Variants in CACNA1D observed in about 807,000 individuals in gnomAD.
CACNA1D encodes the protein calcium voltage-gated channel subunit alpha1 D, also known as voltage-dependent L-type calcium channel subunit alpha-1D.
A neutral mutation model predicts 257.1 loss-of-function variants in CACNA1D; 55 were observed. The observed-to-expected ratio is 0.21, with a 90% CI of 0.17 to 0.27. The LOEUF (loss-of-function observed/expected upper bound fraction) is 0.27, where lower values mean the gene tolerates loss of function less well. CACNA1D is among the 10% of genes least tolerant of loss of function. The pLI is 1.00. For missense variants in CACNA1D, 1,876 were observed against 2,784.0 expected, an observed-to-expected ratio of 0.67 and a Z score of 7.34; for synonymous variants, 980 against 1,014.9, an observed-to-expected ratio of 0.97 and a Z score of 0.65.
chr3:53,663,098 G>A (rs932872546), intron 5 of CACNA1D, among the ~76,000 whole-genome samples: 1 of 152,132 alleles, frequency 6.6e-6, no homozygotes, highest in African/African-American at 2.4e-5. Context: ...TTGTAATAGA[G>A]GTTGTAGCAA....
intron 3 of CACNA1D, among the ~76,000 whole-genome samples, chr3:53,506,755 T>A (rs2090863680): frequency 1.3e-5 from 2 of 152,234 alleles, no homozygotes; most frequent in African/African-American, 4.8e-5. Flanking sequence ...TATATCTTTC[T>A]TTCTTGGCAA....
At chr3:53,634,842 G>A (rs1052427319) in intron 3 of CACNA1D, among the ~76,000 whole-genome samples, 1 of 152,110 alleles carries the variant, frequency 6.6e-6, no homozygotes, top group Non-Finnish European at 1.5e-5. Context: ...AGGGCCACAC[G>A]ATGGAAAAGA....
At position 53,541,495 on chromosome 3, in the gene CACNA1D, A is replaced by T. The variant is rs374620354; in HGVS notation, c.483+39775A>T. 1.5e-3 allele frequency among the ~76,000 whole-genome samples: 229 copies of T among 152,280 alleles called. 1 individual carries two copies. The highest frequency in any genetic ancestry group is 4.9e-3 in the African/African-American group (203 of 41,566). Reference sequence around the variant, plus strand: ...AGCAAATCCCCTGTCGTGTTGTGAAATGGGCGCGGAGAAGCCTGTTCTAGT... The same window carrying T: ...AGCAAATCCCCTGTCGTGTTGTGAATTGGGCGCGGAGAAGCCTGTTCTAGT... On this transcript the variant is annotated intron_variant, in intron 3 of 47. Coordinates refer to ENST00000350061, the MANE Select transcript of CACNA1D (RefSeq NM_001128840.3).
intron 3 of CACNA1D, among the ~76,000 whole-genome samples, chr3:53,571,045 A>G (rs375440161): frequency 1.1e-3 from 164 of 152,290 alleles, no homozygotes; most frequent in African/African-American, 3.8e-3. Flanking sequence ...GCAGCCCATT[A>G]TTCCTGAATC....
At position 53,699,454 on chromosome 3, in the gene CACNA1D, C is replaced by G. The variant is rs185077605; in HGVS notation, c.1221-3187C>G. Among the ~76,000 whole-genome samples, 308 of 152,318 alleles carry G rather than the reference C, an allele frequency of 2.0e-3. 1 individual carries two copies. The highest frequency in any genetic ancestry group is 7.1e-3 in the African/African-American group (294 of 41,562). On this transcript the variant is annotated intron_variant, in intron 8 of 47. Transcript: ENST00000350061. Reference sequence around the variant, plus strand: ...GCTTAATTCCTGTGAAACAGCGGAACAGGTATTGTTGTGTCTGTTTGGAAG... The same window carrying G: ...GCTTAATTCCTGTGAAACAGCGGAAGAGGTATTGTTGTGTCTGTTTGGAAG...
chr3:53,688,795 A>C (rs1309830216), intron 8 of CACNA1D, among the ~76,000 whole-genome samples: 1 of 152,200 alleles, frequency 6.6e-6, no homozygotes, highest in Non-Finnish European at 1.5e-5. Context: ...TTTCTGCTTT[A>C]AAATAAATCT....
intron 3 of CACNA1D, among the ~76,000 whole-genome samples, chr3:53,548,343 G>T (rs1222608098): frequency 7.5e-6 from 1 of 133,790 alleles, no homozygotes; most frequent in Non-Finnish European, 1.6e-5. Context: ...TCCATTGTAA[G>T]CAACAAAGCT....
chr3:53,607,415 G>A (rs2093525845), intron 3 of CACNA1D, among the ~76,000 whole-genome samples: 1 of 152,234 alleles, frequency 6.6e-6, no homozygotes, highest in South Asian at 2.1e-4. Flanking sequence ...GAAAGGGAGG[G>A]CATAAGCCAA....
chr3:53,634,922 C>T (rs924194434), intron 3 of CACNA1D, among the ~76,000 whole-genome samples: 7 of 152,148 alleles, frequency 4.6e-5, no homozygotes, highest in African/African-American at 1.7e-4. Context: ...TCTTGGGCTT[C>T]CTTAAAAGAT....
chr3:53,757,218 GT>G (rs34641708), intron 29 of CACNA1D, among the ~76,000 whole-genome samples: 4 of 150,008 alleles, frequency 2.7e-5, no homozygotes, highest in Non-Finnish European at 4.4e-5. Context: ...ATTTGACACT[GT>G]TTTTTTTTCA....
chr3:53,701,622 G>A (rs1451937763), intron 8 of CACNA1D, among the ~76,000 whole-genome samples: 3 of 152,208 alleles, frequency 2.0e-5, no homozygotes, highest in Non-Finnish European at 4.4e-5. Flanking sequence ...CTGCATTGCT[G>A]TAACCTCACC....
chr3:53,808,634 C>T lies in CACNA1D; in HGVS notation c.5750-15C>T. On this transcript the variant is annotated splice_polypyrimidine_tract_variant and intron_variant, in intron 45 of 47. Transcript: ENST00000350061. ...AACTTGCTTCACAGCTGTGTGATGC[C>T]CTTTGCTTTCCCAGCCCACCGGAGA... 6.2e-7 allele frequency: 1 copy of T among 1,605,798 alleles called. No homozygotes were observed. Among genetic ancestry groups the T allele is most frequent in the Non-Finnish European group, 8.5e-7 (1 of 1,179,940 alleles).
intron 3 of CACNA1D, among the ~76,000 whole-genome samples, chr3:53,624,150 A>G (rs2093730355): frequency 6.6e-6 from 1 of 152,232 alleles, no homozygotes; most frequent in Non-Finnish European, 1.5e-5. Flanking sequence ...TAGCAATATC[A>G]GGCGAGCCTT....
intron 10 of CACNA1D, among the ~76,000 whole-genome samples, chr3:53,718,987 C>T (rs1223682659): frequency 6.7e-6 from 1 of 149,450 alleles, no homozygotes; most frequent in Admixed American, 6.6e-5. Flanking sequence ...TTAACACTCA[C>T]TGGCTTTTTT....
At chr3:53,748,142 G>A (rs987482029) in intron 26 of CACNA1D, among the ~76,000 whole-genome samples, 4 of 152,202 alleles carry the variant, frequency 2.6e-5, no homozygotes, top group Admixed American at 1.3e-4. Context: ...GATGTTGATG[G>A]GTAAAGTAAG....
Position 53,774,465 on chromosome 3 carries a change from C to G in CACNA1D, c.4111-122C>G. ...AGATCTTTTTTGAATGAGTGAAGTG[C>G]CAGGTACCATGAGAAAACCCTAGCT... On this transcript the variant is annotated intron_variant, in intron 33 of 47. Coordinates refer to ENST00000350061, the MANE Select transcript of CACNA1D (RefSeq NM_001128840.3). This position sits in a 1 kb window ranked among gnomAD's most constrained non-coding sequence, Gnocchi z 4.3. 1.4e-6 allele frequency: 1 copy of G among 711,894 alleles called. No homozygotes were observed. Among genetic ancestry groups the G allele is most frequent in the Non-Finnish European group, 2.6e-6 (1 of 389,284 alleles). 44.1% of individuals were successfully genotyped at this position (711,894 alleles called of 1,614,324 possible).
rs775567082 is a variant in CACNA1D, at chr3:53,770,010, C to T, written c.3908C>T (p.Thr1303Ile). Reference protein sequence around the residue: ...ESENVPVPTATPGNSEESNRI... With the variant: ...ESENVPVPTAIPGNSEESNRI... ...GAAAATGTCCCTGTCCCAACTGCTA[C>T]ACCTGGGGTAAGATCAGTGACTAGT... is the stretch of plus-strand genomic sequence containing the variant. The change falls in exon 31 of 48, where the codon ACA (threonine) becomes ATA (isoleucine). Residue 1303 changes from threonine (T) to isoleucine (I), a missense_variant. Around this residue, in one of 10 missense-constraint regions of CACNA1D, gnomAD observed 204 missense variants for 309.4 expected, o/e 0.66. Transcript: ENST00000350061. 6.8e-6 allele frequency: 11 copies of T among 1,612,710 alleles called. No homozygotes were observed. The South Asian group carries it at 8.8e-5, about 13-fold the overall frequency.
intron 14 of CACNA1D, among the ~76,000 whole-genome samples, chr3:53,725,392 T>C (rs1003507097): frequency 1.6e-4 from 24 of 152,160 alleles, no homozygotes; most frequent in Admixed American, 1.3e-3. Context: ...TTAGCCCACA[T>C]ACACAGGGCT....
chr3:53,539,812 A>G, intron 3 of CACNA1D, among the ~76,000 whole-genome samples: 1 of 152,186 alleles, frequency 6.6e-6, no homozygotes, highest in East Asian at 1.9e-4. Context: ...TCTGACTGTG[A>G]CTTTGGTTTG....
Sources: gnomAD v4.1 joint callset for allele counts (sites outside exome capture counted in the v4.1 genomes callset) on GRCh38, gnomAD v4.1.1 for gene constraint, gnomAD v4.1.1 regional missense constraint, Gnocchi (gnomAD v3.1) non-coding constraint, MANE v1.5 for transcripts, NCBI Gene and HGNC (gene_info 2026-07-23, HGNC 2026-07-21) for gene names.